KCNIP4: variants seen among roughly 807,000 people sequenced by gnomAD.
KCNIP4 encodes Kv channel-interacting protein 4.
A neutral mutation model predicts 34.0 loss-of-function variants in KCNIP4; 12 were observed. That is an observed-to-expected ratio of 0.35 (90% CI 0.23 to 0.57). KCNIP4 has a LOEUF of 0.57. Among genes scored for constraint, KCNIP4 ranks in the 20% least tolerant of loss-of-function variants. The pLI is 0.83. For synonymous variants in KCNIP4, 124 were observed against 102.2 expected, an observed-to-expected ratio of 1.21 and a Z score of -1.29; for missense variants, 238 against 311.7, an observed-to-expected ratio of 0.76 and a Z score of 1.78.
chr4:21,692,951 G>A (rs1389841138), intron 1 of KCNIP4, among the ~76,000 whole-genome samples: 1 of 150,666 alleles, frequency 6.6e-6, no homozygotes, highest in African/African-American at 2.5e-5. Flanking sequence ...AAATGTGGCT[G>A]GGCTGGGGGA....
chr4:20,748,894 G>GTA (rs57841958), intron 5 of KCNIP4, among the ~76,000 whole-genome samples: 5,900 of 145,124 alleles, frequency 0.041, 174 homozygotes, highest in Admixed American at 0.098. Flanking sequence ...GTGTGTGTGT[G>GTA]TATATATATA....
intron 1 of KCNIP4, among the ~76,000 whole-genome samples, chr4:20,969,609 CCATT>C (rs1383625423): frequency 1.3e-5 from 2 of 151,646 alleles, no homozygotes; most frequent in Non-Finnish European, 2.9e-5. Context: ...TTCTCTTGTC[CCATT>C]AATTCCACTC....
chr4:21,707,072 G>A lies in KCNIP4; in HGVS notation c.61+241499C>T, dbSNP rs1198650723. Among the ~76,000 whole-genome samples the A allele has an allele frequency of 3.9e-5, 6 of 152,154 alleles. No individual in the cohort carries two copies. The South Asian group carries it at 8.3e-4, about 21-fold the overall frequency. ...TTATAGCTCTGTGAATACAAAGCAA[G>A]TCAAAATCAACCCTACTGGCATAGG... On this transcript the variant is annotated intron_variant, in intron 1 of 8. Transcript: ENST00000382152.
chr4:20,826,489 G>A (rs1717773681), intron 3 of KCNIP4, among the ~76,000 whole-genome samples: 2 of 151,922 alleles, frequency 1.3e-5, no homozygotes, highest in South Asian at 2.1e-4. Flanking sequence ...GGAGGTTGAG[G>A]TGGGAGGATG....
intron 1 of KCNIP4, among the ~76,000 whole-genome samples, chr4:21,774,188 C>T (rs908223705): frequency 3.3e-5 from 5 of 152,036 alleles, no homozygotes; most frequent in Admixed American, 3.3e-4. Context: ...TTATCCTTCA[C>T]TTATAAAACT....
intron 1 of KCNIP4, among the ~76,000 whole-genome samples, chr4:21,429,427 A>G (rs1726239501): frequency 6.6e-6 from 1 of 152,184 alleles, no homozygotes; most frequent in South Asian, 2.1e-4. Context: ...GCAATTATGC[A>G]TAAAGCTGCC....
intron 2 of KCNIP4, among the ~76,000 whole-genome samples, chr4:20,861,012 C>T (rs994527619): frequency 1.3e-5 from 2 of 152,110 alleles, no homozygotes; most frequent in African/African-American, 4.8e-5. Flanking sequence ...TTCCATTCCT[C>T]GGTTCCACTG....
intron 1 of KCNIP4, among the ~76,000 whole-genome samples, chr4:21,859,404 C>T (rs28503180): frequency 0.085 from 12,894 of 151,166 alleles, 1,855 homozygotes; most frequent in African/African-American, 0.3. Flanking sequence ...GTCAGGAGAT[C>T]GAGACCATCC....
At chr4:21,299,614 GAAC>G (rs1764044306) in intron 1 of KCNIP4, among the ~76,000 whole-genome samples, 1 of 152,164 alleles carries the variant, frequency 6.6e-6, no homozygotes, top group Non-Finnish European at 1.5e-5. Context: ...TGCACTGGAG[GAAC>G]CAGAATGCTG....
At chr4:21,363,107 G>GAGAGGT (rs1229880943) in intron 1 of KCNIP4, among the ~76,000 whole-genome samples, 1 of 152,144 alleles carries the variant, frequency 6.6e-6, no homozygotes, top group Non-Finnish European at 1.5e-5. Context: ...CAGAGCCTCA[G>GAGAGGT]AGAGGTTTAG....
At chr4:21,940,821 T>C (rs1730164663) in intron 1 of KCNIP4, among the ~76,000 whole-genome samples, 1 of 152,198 alleles carries the variant, frequency 6.6e-6, no homozygotes, top group South Asian at 2.1e-4. Context: ...AGTTGTTTTA[T>C]AAATGTCTGT....
At chr4:20,742,549 G>A (rs1268313965) in intron 5 of KCNIP4, among the ~76,000 whole-genome samples, 2 of 152,036 alleles carry the variant, frequency 1.3e-5, no homozygotes, top group East Asian at 1.9e-4. Context: ...AATAAACTAG[G>A]TATTAATGGG....
chr4:21,212,413 T>A (rs1757279975), intron 1 of KCNIP4, among the ~76,000 whole-genome samples: 1 of 152,184 alleles, frequency 6.6e-6, no homozygotes, highest in African/African-American at 2.4e-5. Context: ...TCTCCCTTTG[T>A]GTTATTACAA....
At chr4:21,839,392 C>T (rs1560752746) in intron 1 of KCNIP4, among the ~76,000 whole-genome samples, 1 of 152,066 alleles carries the variant, frequency 6.6e-6, no homozygotes, top group Non-Finnish European at 1.5e-5. Context: ...AACTTTAAAA[C>T]AATGCCAAGT....
intron 1 of KCNIP4, among the ~76,000 whole-genome samples, chr4:21,912,407 A>C (rs1319873621): frequency 6.6e-6 from 1 of 152,248 alleles, no homozygotes; most frequent in East Asian, 1.9e-4. Context: ...ACAATGGTGA[A>C]GAAATCAGTT....
chr4:21,777,302 T>C (rs1215925838), intron 1 of KCNIP4, among the ~76,000 whole-genome samples: 1 of 152,170 alleles, frequency 6.6e-6, no homozygotes, highest in Non-Finnish European at 1.5e-5. Flanking sequence ...AATACAGATG[T>C]CTTCACTCTC....
At chr4:20,840,639 A>AG (rs1440902635) in intron 3 of KCNIP4, among the ~76,000 whole-genome samples, 1 of 152,176 alleles carries the variant, frequency 6.6e-6, no homozygotes, top group Non-Finnish European at 1.5e-5. Flanking sequence ...ACGAGATGGA[A>AG]GGAGTGTCCT....
At chr4:20,923,560 G>C (rs1164019310) in intron 1 of KCNIP4, among the ~76,000 whole-genome samples, 1 of 151,956 alleles carries the variant, frequency 6.6e-6, no homozygotes, top group Non-Finnish European at 1.5e-5. Flanking sequence ...CTTTAGTGTG[G>C]GACAGTCTCA....
intron 1 of KCNIP4, among the ~76,000 whole-genome samples, chr4:21,065,726 CTATA>C (rs5856598): frequency 0.12 from 9,981 of 86,034 alleles, 413 homozygotes; most frequent in African/African-American, 0.16. Flanking sequence ...TATCATTTGT[CTATA>C]TATATATATA....
Sources: gnomAD v4.1 joint callset for allele counts (sites outside exome capture counted in the v4.1 genomes callset) on GRCh38, gnomAD v4.1.1 for gene constraint, MANE v1.5 for transcripts, NCBI Gene and HGNC (gene_info 2026-07-23, HGNC 2026-07-21) for gene names.